OPN5: variants seen among roughly 807,000 people sequenced by gnomAD.
OPN5 encodes opsin 5, also known as opsin-5.
In OPN5, 18 loss-of-function variants were observed where a neutral mutation model predicts 41.7. That is an observed-to-expected ratio of 0.43 (90% CI 0.30 to 0.64). The LOEUF (loss-of-function observed/expected upper bound fraction) is 0.64, where lower values mean the gene tolerates loss of function less well. Among genes scored for constraint, OPN5 ranks in the 30% least tolerant of loss-of-function variants. OPN5 has a pLI of 0.13. For missense variants in OPN5, 318 were observed against 434.5 expected (o/e 0.73, Z 2.38); for synonymous variants, 178 against 164.3 (o/e 1.08, Z -0.64).
At chr6:47,816,609 C>A (rs1762436369) in intron 6 of OPN5, among the ~76,000 whole-genome samples, 1 of 152,080 alleles carries the variant, frequency 6.6e-6, no homozygotes, top group Admixed American at 6.6e-5. Context: ...CAAACAATAC[C>A]TAGAGCATTG....
intron 1 of OPN5, among the ~76,000 whole-genome samples, chr6:47,783,182 T>C (rs1258630570): frequency 6.6e-6 from 1 of 152,120 alleles, no homozygotes; most frequent in Non-Finnish European, 1.5e-5. Context: ...TCTAGACAGT[T>C]AGGATTTAAT....
At chr6:47,820,133 T>G (rs1762572510) in intron 6 of OPN5, among the ~76,000 whole-genome samples, 1 of 149,384 alleles carries the variant, frequency 6.7e-6, no homozygotes, top group African/African-American at 2.5e-5. Flanking sequence ...TCCTTTTGAA[T>G]AGAGAGAGAG....
intron 6 of OPN5, among the ~76,000 whole-genome samples, chr6:47,817,222 C>T (rs1352072631): frequency 6.6e-6 from 1 of 152,018 alleles, no homozygotes; most frequent in Non-Finnish European, 1.5e-5. Flanking sequence ...AGCACGTTGC[C>T]TATTTAGCTT....
chr6:47,812,524 G>A (rs1275754970), intron 6 of OPN5, among the ~76,000 whole-genome samples: 3 of 152,030 alleles, frequency 2.0e-5, no homozygotes, highest in African/African-American at 7.2e-5. Flanking sequence ...ACCTTTTGAG[G>A]CAGACAGGTA....
intron 4 of OPN5, among the ~76,000 whole-genome samples, chr6:47,806,063 C>T (rs749589888): frequency 6.6e-6 from 1 of 151,702 alleles, no homozygotes; most frequent in Admixed American, 6.6e-5. Context: ...TCATGTGATG[C>T]CCATGATGTC....
chr6:47,807,817 T>C (rs1003685304), intron 4 of OPN5, among the ~76,000 whole-genome samples: 2 of 151,790 alleles, frequency 1.3e-5, no homozygotes, highest in South Asian at 4.2e-4. Context: ...TAAGTGAATG[T>C]GGGTTGAGAA....
rs546407129 is a variant in OPN5, at chr6:47,792,981, C to G, written c.421+1009C>G. Among the ~76,000 whole-genome samples the G allele has an allele frequency of 3.9e-4, 22 of 56,340 alleles. No individual in the cohort carries two copies. The South Asian group carries it at 0.015, about 38-fold the overall frequency. The allele number at this position is 56,340 out of a possible 152,430, so 37.0% of individuals were successfully genotyped here. The stretch of plus-strand genomic sequence containing the variant: ...CCATTCTCTTCATCATCCAGCACTA[C>G]GTTTTTTTTTTTTTTTTTAAAGTTT... On this transcript the variant is annotated intron_variant, in intron 3 of 6. Coordinates refer to ENST00000371211, the Ensembl canonical transcript of OPN5.
intron 2 of OPN5, among the ~76,000 whole-genome samples, chr6:47,788,886 G>A (rs1224075031): frequency 6.6e-6 from 1 of 151,658 alleles, no homozygotes. Flanking sequence ...GGAGGTTTGT[G>A]GGGAGGGATG....
At chr6:47,810,806 C>T (rs926215895) in intron 5 of OPN5, among the ~76,000 whole-genome samples, 1 of 152,152 alleles carries the variant, frequency 6.6e-6, no homozygotes, top group Admixed American at 6.5e-5. Flanking sequence ...CTTTCCTACA[C>T]CTGGGTATCC....
At chr6:47,820,526 A>G (rs984745960) in intron 6 of OPN5, among the ~76,000 whole-genome samples, 2 of 152,188 alleles carry the variant, frequency 1.3e-5, no homozygotes, top group African/African-American at 4.8e-5. Flanking sequence ...TACACTTGAG[A>G]TGAGAAATTA....
chr6:47,783,739 A>T (rs181166978), intron 1 of OPN5, among the ~76,000 whole-genome samples: 16 of 152,310 alleles, frequency 1.1e-4, no homozygotes, highest in African/African-American at 3.8e-4. Flanking sequence ...TTCTGCTGGA[A>T]CAGAAACTGT....
intron 2 of OPN5, among the ~76,000 whole-genome samples, chr6:47,790,890 T>G (rs2113955296): frequency 6.6e-6 from 1 of 152,292 alleles, no homozygotes. Flanking sequence ...AAGGTTATCT[T>G]GGGGTGTTAG....
chr6:47,799,231 CAT>C (rs1405175818), intron 4 of OPN5, among the ~76,000 whole-genome samples: 74 of 150,310 alleles, frequency 4.9e-4, no homozygotes, highest in East Asian at 7.8e-4. Flanking sequence ...CACACACACA[CAT>C]GATATACATG....
intron 2 of OPN5, among the ~76,000 whole-genome samples, chr6:47,789,915 T>TG (rs1214475503): frequency 3.6e-5 from 5 of 137,496 alleles, no homozygotes; most frequent in African/African-American, 1.1e-4. Flanking sequence ...TTTTTTTTTG[T>TG]GGGGGGTGTG....
intron 4 of OPN5, among the ~76,000 whole-genome samples, chr6:47,806,690 A>G (rs1216824430): frequency 6.6e-6 from 1 of 152,198 alleles, no homozygotes; most frequent in Non-Finnish European, 1.5e-5. Context: ...CAATAATGCC[A>G]TACAAAACCC....
intron 2 of OPN5, chr6:47,787,001 C>G: frequency 1.1e-6 from 1 of 945,592 alleles, no homozygotes; most frequent in Middle Eastern, 5.2e-4. Flanking sequence ...CTCTTCAACC[C>G]TTATGGAAGT....
rs70999651 is a variant in OPN5 at position 47,813,068 on chromosome 6, AAACAACAACAACAACAACAAC to A, written c.1056+1364_1056+1384del. On this transcript the variant is annotated intron_variant, in intron 6 of 6. Transcript: ENST00000371211. ...TGTTGGAAAACATGCTCTATGATTA[AAACAACAACAACAACAACAAC>A]AACAACAACAACAACAACAACAACA... Among the ~76,000 whole-genome samples the A allele has an allele frequency of 3.6e-3, 498 of 139,166 alleles. 3 individuals carry two copies. Among genetic ancestry groups the A allele is most frequent in the Middle Eastern group, 7.7e-3 (2 of 260 alleles). The allele number at this position is 139,166 out of a possible 152,430, so 91.3% of individuals were successfully genotyped here. A position where few individuals can be genotyped will look rare whatever the true frequency, so the allele number is the denominator to read the frequency against.
At chr6:47,810,545 ATTCTT>A (rs982921205) in intron 5 of OPN5, among the ~76,000 whole-genome samples, 3 of 147,110 alleles carry the variant, frequency 2.0e-5, no homozygotes, top group Non-Finnish European at 3.0e-5. Context: ...CAATATCCTT[ATTCTT>A]TTCTTTTCTG....
intron 6 of OPN5, among the ~76,000 whole-genome samples, chr6:47,821,622 T>C (rs994456216): frequency 1.4e-4 from 21 of 152,244 alleles, no homozygotes; most frequent in Non-Finnish European, 4.4e-5. Context: ...TTTTAGTATA[T>C]GTAAATTGTT....
Sources: allele counts gnomAD v4.1 joint callset (sites outside exome capture counted in the v4.1 genomes callset), GRCh38; gene constraint gnomAD v4.1.1; transcripts MANE v1.5; gene names NCBI Gene and HGNC (gene_info 2026-07-23, HGNC 2026-07-21).